Variants in IRGQ observed in about 807,000 individuals in gnomAD.
IRGQ encodes the protein immunity-related GTPase family Q protein.
In IRGQ, 5 loss-of-function variants were observed where a neutral mutation model predicts 10.5. The ratio of observed to expected loss-of-function variants is 0.48; its 90% CI spans 0.25 to 1.00. The LOEUF (loss-of-function observed/expected upper bound fraction) is 1.00, where lower values mean the gene tolerates loss of function less well. Among genes scored for constraint, IRGQ ranks in the 50% least tolerant of loss-of-function variants. The pLI is 0.16. For synonymous variants in IRGQ, 418 were observed against 426.0 expected (o/e 0.98, Z 0.23); for missense variants, 792 against 877.7 (o/e 0.90, Z 1.23).
Position 43,592,913 on chromosome 19 carries a change from C to A in IRGQ, c.985G>T (p.Val329Leu). The change falls in exon 3 of 3, where the codon GTG becomes TTG. Residue 329 changes from valine (V) to leucine (L), a missense_variant. By Grantham distance (32) the Val-to-Leu change is conservative. Coordinates refer to ENST00000422989, the MANE Select transcript of IRGQ (RefSeq NM_001007561.3). ...TCCTCGCCCTCGCCGTCTGTGCGCACGCAGACAAGAGGCGCATCTGGTAGC... is the reference window on the plus strand; with the variant it reads ...TCCTCGCCCTCGCCGTCTGTGCGCAAGCAGACAAGAGGCGCATCTGGTAGC... ...LLLPDAPLVC[V>L]RTDGEGEDPE... The A allele has an allele frequency of 6.2e-7, 1 of 1,612,506 alleles. No individual in the cohort carries two copies. Among genetic ancestry groups the A allele is most frequent in the Non-Finnish European group, 8.5e-7 (1 of 1,180,020 alleles).
rs113037114 is a variant in IRGQ, at chr19:43,591,623, C to T, written c.*403G>A. On this transcript the variant is annotated 3_prime_UTR_variant, in exon 3 of 3. Coordinates refer to ENST00000422989, the MANE Select transcript of IRGQ (RefSeq NM_001007561.3). The stretch of plus-strand genomic sequence containing the variant: ...AGCACTTTGGGAGGCCGGAGCGGGT[C>T]GATCGCCTGAGGTCAGGAGTTCGAG... The T allele has an allele frequency of 3.7e-5, 6 of 160,036 alleles. No individual in the cohort carries two copies. The highest frequency in any genetic ancestry group is 8.2e-5 in the Non-Finnish European group (6 of 73,390). The allele number at this position is 160,036 out of a possible 1,614,324, so 9.9% of individuals were successfully genotyped here. A position where few individuals can be genotyped will look rare whatever the true frequency, so the allele number is the denominator to read the frequency against.
rs1242426125 is a variant in IRGQ at position 43,593,215 on chromosome 19, G to A, written c.683C>T (p.Ala228Val). The A allele has an allele frequency of 3.8e-6, 6 of 1,577,576 alleles. No homozygotes were observed. The highest frequency in any genetic ancestry group is 5.2e-6 in the Non-Finnish European group (6 of 1,159,056). ...ERLGSARLDL[A>V]VAGKADVGLV... ...GCCCACGTCAGCCTTGCCAGCCACGGCCAGGTCTAGCCGTGCGCTGCCCAG... is the reference window on the plus strand; with the variant it reads ...GCCCACGTCAGCCTTGCCAGCCACGACCAGGTCTAGCCGTGCGCTGCCCAG... The change falls in exon 3 of 3, where the codon GCC (alanine) becomes GTC (valine). Residue 228 changes from alanine (A) to valine (V), a missense_variant. By Grantham distance (64) the Ala-to-Val change is moderately conservative. Coordinates refer to ENST00000422989, the MANE Select transcript of IRGQ (RefSeq NM_001007561.3). The surrounding 1 kb of genome is among the most constrained non-coding windows in gnomAD (Gnocchi z 6.4).
Position 43,591,863 on chromosome 19 carries a change from A to G in IRGQ, c.*163T>C, listed in dbSNP as rs1973059563. On this transcript the variant is annotated 3_prime_UTR_variant, in exon 3 of 3. Coordinates refer to ENST00000422989, the MANE Select transcript of IRGQ (RefSeq NM_001007561.3). Reference sequence around the variant, plus strand: ...TCGTCTCACAAAAAAAAGAAAAAAAAAAAAAAAAATCAGGATTCCTGTCCC... The same window carrying G: ...TCGTCTCACAAAAAAAAGAAAAAAAGAAAAAAAAATCAGGATTCCTGTCCC... 2.9e-6 allele frequency: 2 copies of G among 699,658 alleles called. No individual in the cohort carries two copies. The highest frequency in any genetic ancestry group is 2.8e-5 in the Admixed American group (1 of 35,376). 43.3% of individuals were successfully genotyped at this position (699,658 alleles called of 1,614,324 possible).
chr19:43,589,658 C>G lies in IRGQ; in HGVS notation c.*2368G>C, dbSNP rs1249510249. 1 of 152,156 alleles carries G rather than the reference C, an allele frequency of 6.6e-6. No individual in the cohort carries two copies. Among genetic ancestry groups the G allele is most frequent in the Non-Finnish European group, 1.5e-5 (1 of 68,038 alleles). The allele number at this position is 152,156 out of a possible 1,614,324, so 9.4% of individuals were successfully genotyped here. A position where few individuals can be genotyped will look rare whatever the true frequency, so the allele number is the denominator to read the frequency against. On this transcript the variant is annotated 3_prime_UTR_variant, in exon 3 of 3. Coordinates refer to ENST00000422989, the MANE Select transcript of IRGQ (RefSeq NM_001007561.3). ...ATTGTTCTAGATGCTGGGGAAACAA[C>G]AGAGAACAGGACAGGCAACGGGTCA... is the stretch of plus-strand genomic sequence containing the variant.
At position 43,585,426 on chromosome 19, in the gene IRGQ, G is replaced by C. The variant is rs957584667; in HGVS notation, c.*6600C>G. ...GCTAATTTTTTGTATTTTTAGTAGA[G>C]AGACGGGGTTTCACTGTGTTAGCCA... On this transcript the variant is annotated 3_prime_UTR_variant, in exon 3 of 3. Transcript: ENST00000422989. 5 of 152,176 alleles carry C rather than the reference G, an allele frequency of 3.3e-5. No homozygotes were observed. Among genetic ancestry groups the C allele is most frequent in the African/African-American group, 1.2e-4 (5 of 41,392 alleles). 9.4% of individuals were successfully genotyped at this position (152,176 alleles called of 1,614,324 possible).
rs546818190 is a variant in IRGQ, at chr19:43,595,066, C to G, written c.273G>C (p.Pro91=). The G allele has an allele frequency of 1.0e-4, 168 of 1,612,706 alleles. No homozygotes were observed. Among genetic ancestry groups the G allele is most frequent in the Non-Finnish European group, 1.3e-4 (159 of 1,179,560 alleles). Residue 91 remains proline, a synonymous_variant, in exon 2 of 3, where the codon CCG becomes CCC. Transcript: ENST00000422989. ...CTGCCTCTCCCAGGGCTGGAGCCAA[C>G]GGTTCCCCGTTCCCCTCGGGTCCGG... is the stretch of plus-strand genomic sequence containing the variant. ...VLPGPEGNGE[P]LAPALGEAAL...
At position 43,592,979 on chromosome 19, in the gene IRGQ, C is replaced by G. The variant is rs1272290081; in HGVS notation, c.919G>C (p.Ala307Pro). 6.2e-7 allele frequency: 1 copy of G among 1,608,904 alleles called. No individual in the cohort carries two copies. Among genetic ancestry groups the G allele is most frequent in the Admixed American group, 1.7e-5 (1 of 60,024 alleles). Reference sequence around the variant, plus strand: ...TGGGCCCAGTCCTTCTCAGTGGGGGCCCCAGGGGTGACGAGGATGAGGGCG... The same window carrying G: ...TGGGCCCAGTCCTTCTCAGTGGGGGGCCCAGGGGTGACGAGGATGAGGGCG... ...YDALILVTPG[A>P]PTEKDWAQVQ... The change falls in exon 3 of 3, where the codon GCC becomes CCC. Residue 307 changes from alanine (A) to proline (P), a missense_variant. Coordinates refer to ENST00000422989, the MANE Select transcript of IRGQ (RefSeq NM_001007561.3).
rs917936159 is a variant in IRGQ, at chr19:43,595,252, G to A, written c.87C>T (p.Asp29=). ...GGGCCTCGAGCGTCTCCACATCCTT[G>A]TCGCACAGCGCTGCGATCAGCGCGG... ...GKSALIAALC[D]KDVETLEAPE... is the part of the protein sequence containing the mutation. The change falls in exon 2 of 3, where the codon GAC becomes GAT. Residue 29 remains aspartate, a synonymous_variant. Coordinates refer to ENST00000422989, the MANE Select transcript of IRGQ (RefSeq NM_001007561.3). The A allele has an allele frequency of 3.7e-6, 6 of 1,612,068 alleles. No homozygotes were observed. Among genetic ancestry groups the A allele is most frequent in the Non-Finnish European group, 2.5e-6 (3 of 1,179,626 alleles).
rs1973067450 is a variant in IRGQ at position 43,592,303 on chromosome 19, C to CGCTCACGTCGAGCCAGT, written c.1578_1594dup (p.Arg532HisfsTer26). The CGCTCACGTCGAGCCAGT allele has an allele frequency of 6.4e-7, 1 of 1,565,416 alleles. No homozygotes were observed. The highest frequency in any genetic ancestry group is 8.6e-7 in the Non-Finnish European group (1 of 1,164,426). ...CTCTCCAGAAGCCAGGCCCAGGGCACGCTCACGTCGAGCCAGTGCCGTGGG... is the reference window on the plus strand; with the variant it reads ...CTCTCCAGAAGCCAGGCCCAGGGCACGCTCACGTCGAGCCAGTGCTCACGTCGAGCCAGTGCCGTGGG... On this transcript the variant is annotated frameshift_variant, in exon 3 of 3. Coordinates refer to ENST00000422989, the MANE Select transcript of IRGQ (RefSeq NM_001007561.3). LOFTEE classifies it high-confidence loss of function.
rs140057723 is a variant in IRGQ, at chr19:43,594,834, G to T, written c.505C>A (p.Gln169Lys). 5.9e-4 allele frequency: 956 copies of T among 1,611,342 alleles called. 1 individual carries two copies. Among genetic ancestry groups the T allele is most frequent in the Non-Finnish European group, 4.6e-4 (543 of 1,179,002 alleles). The change falls in exon 2 of 3, where the codon CAG becomes AAG. Residue 169 changes from glutamine to lysine, a missense_variant. Transcript: ENST00000422989. ...EELERLRAAL[Q>K]SQAEALRRLL... ...CTCCGCAGCGCTTCTGCCTGGCTCT[G>T]CAGCGCCGCCCGGAGGCGCTCTAGC...
intron 1 of IRGQ, 110 bp downstream of exon 1, chr19:43,595,870 CCT>C (rs1306374178): frequency 6.6e-6 from 1 of 152,520 alleles, no homozygotes; most frequent in African/African-American, 2.4e-5. Flanking sequence ...AGAGCAAGAC[CCT>C]CTCTGAAAAA....
In IRGQ at chr19:43,592,000, T is replaced by G. The variant is rs1344594767; in HGVS notation, c.*26A>C. The G allele has an allele frequency of 3.2e-6, 5 of 1,550,518 alleles. No individual in the cohort carries two copies. Among genetic ancestry groups the G allele is most frequent in the Non-Finnish European group, 4.4e-6 (5 of 1,145,582 alleles). On this transcript the variant is annotated 3_prime_UTR_variant, in exon 3 of 3. Transcript: ENST00000422989. ...AGCCCAGGCATCCCCTGTCAGAGTCTGGACTCCCAAGCCCCCTCCCACTCC... is the reference window on the plus strand; with the variant it reads ...AGCCCAGGCATCCCCTGTCAGAGTCGGGACTCCCAAGCCCCCTCCCACTCC...
At position 43,585,019 on chromosome 19, in the gene IRGQ, T is replaced by C. The variant is rs1289400465; in HGVS notation, c.*7007A>G. The C allele has an allele frequency of 6.6e-6, 1 of 152,336 alleles. No homozygotes were observed. The highest frequency in any genetic ancestry group is 1.5e-5 in the Non-Finnish European group (1 of 68,208). 9.4% of individuals were successfully genotyped at this position (152,336 alleles called of 1,614,324 possible). On this transcript the variant is annotated 3_prime_UTR_variant, in exon 3 of 3. Transcript: ENST00000422989. ...GCACACCACCACATCTGGCTAATTCTGTTGTTGTTGCTTTTTTGTAGAGAT... is the reference window on the plus strand; with the variant it reads ...GCACACCACCACATCTGGCTAATTCCGTTGTTGTTGCTTTTTTGTAGAGAT...
chr19:43,595,384 A>G (rs751640565), intron 1 of IRGQ, 44 bp from the exon 2 acceptor site: 2 of 1,495,640 alleles, frequency 1.3e-6, no homozygotes, highest in Non-Finnish European at 1.8e-6. Context: ...GGGAGCACCT[A>G]GCCTTTTCCT....
Position 43,595,277 on chromosome 19 carries a change from G to A in IRGQ, c.62C>T (p.Ser21Phe). ...GTCGCACAGCGCTGCGATCAGCGCG[G>A]ACTTCCCCAAGCCCGGAGGCCCCAG... ...LFLGPPGLGKSALIAALCDKD... is the reference protein window; with the variant it reads ...LFLGPPGLGKFALIAALCDKD... The change falls in exon 2 of 3, where the codon TCC (serine) becomes TTC (phenylalanine). Residue 21 changes from serine to phenylalanine, a missense_variant. Coordinates refer to ENST00000422989, the MANE Select transcript of IRGQ (RefSeq NM_001007561.3). The A allele has an allele frequency of 1.2e-6, 2 of 1,604,060 alleles. No individual in the cohort carries two copies. Among genetic ancestry groups the A allele is most frequent in the Non-Finnish European group, 1.7e-6 (2 of 1,176,066 alleles).
At position 43,595,360 on chromosome 19, in the gene IRGQ, G is replaced by GA; in HGVS notation, c.-2-21dup. ...GCATGGCTGGAAAGCAACGGGTAGA[G>GA]AAGACCTGGGTCAGGGAGCACCTAG... On this transcript the variant is annotated intron_variant, in intron 1 of 2. Coordinates refer to ENST00000422989, the MANE Select transcript of IRGQ (RefSeq NM_001007561.3). 1 of 1,520,692 alleles carries GA rather than the reference G, an allele frequency of 6.6e-7. No homozygotes were observed. Among genetic ancestry groups the GA allele is most frequent in the Non-Finnish European group, 8.8e-7 (1 of 1,140,288 alleles). The allele number at this position is 1,520,692 out of a possible 1,614,324, so 94.2% of individuals were successfully genotyped here. A position where few individuals can be genotyped will look rare whatever the true frequency, so the allele number is the denominator to read the frequency against.
chr19:43,592,226 C>A lies in IRGQ; in HGVS notation c.1672G>T (p.Ala558Ser). ...TCGCCCGCCCAGGCGCCCAGTCTTG[C>A]TTCCACCTCGGCGCGCGTCACCGGG... is the stretch of plus-strand genomic sequence containing the variant. The part of the protein sequence containing the change: ...PGPVTRAEVE[A>S]RLGAWAGEGT... Residue 558 changes from alanine to serine, a missense_variant, in exon 3 of 3, where the codon GCA (alanine) becomes TCA (serine). By Grantham distance (99) the Ala-to-Ser change is moderately conservative. Coordinates refer to ENST00000422989, the MANE Select transcript of IRGQ (RefSeq NM_001007561.3). 1 of 1,586,950 alleles carries A rather than the reference C, an allele frequency of 6.3e-7. No individual in the cohort carries two copies. The highest frequency in any genetic ancestry group is 1.1e-5 in the South Asian group (1 of 89,668).
intron 1 of IRGQ, among the ~76,000 whole-genome samples, chr19:43,595,751 G>A (rs1260580820): frequency 2.0e-5 from 3 of 152,072 alleles, no homozygotes; most frequent in Non-Finnish European, 2.9e-5. Context: ...GGTGGTGTGC[G>A]CCTGTAGCCC....
Position 43,592,026 on chromosome 19 carries a change from T to C in IRGQ, c.1872A>G (p.Ter624TrpextTer18). The C allele has an allele frequency of 6.3e-7, 1 of 1,588,800 alleles. No individual in the cohort carries two copies. Among genetic ancestry groups the C allele is most frequent in the East Asian group, 2.3e-5 (1 of 44,420 alleles). ...AVLAPPEPAQ* is the reference protein window; with the variant it reads ...AVLAPPEPAQW The stretch of plus-strand genomic sequence containing the variant: ...GGACTCCCAAGCCCCCTCCCACTCC[T>C]CACTGGGCAGGCTCAGGGGGTGCCA... The change falls in exon 3 of 3, where the codon TGA (stop) becomes TGG (tryptophan). Residue 624 changes from the stop codon to tryptophan, a stop_lost. Transcript: ENST00000422989.
Sources: allele counts gnomAD v4.1 joint callset (sites outside exome capture counted in the v4.1 genomes callset), GRCh38; gene constraint gnomAD v4.1.1; non-coding constraint Gnocchi (gnomAD v3.1); transcripts MANE v1.5; gene names NCBI Gene and HGNC (gene_info 2026-07-23, HGNC 2026-07-21).